SPAG5: variants seen among roughly 807,000 people sequenced by gnomAD.
The protein encoded by SPAG5 is sperm associated antigen 5, also known as sperm-associated antigen 5.
SPAG5 carries 99 observed loss-of-function variants against 145.4 expected under a neutral mutation model. That is an observed-to-expected ratio of 0.68 (90% confidence interval 0.58 to 0.80). The LOEUF (loss-of-function observed/expected upper bound fraction) is 0.80, where lower values mean the gene tolerates loss of function less well. Ranked by LOEUF, SPAG5 falls within the 30% of genes least tolerant of loss-of-function variation. The probability of loss-of-function intolerance (pLI) is 0.00; values close to 1 mark genes in which losing one functional copy is unlikely to be tolerated. For synonymous variants in SPAG5, 477 were observed against 525.4 expected (o/e 0.91, Z 1.26); for missense variants, 1,192 against 1,416.0 (o/e 0.84, Z 2.54).
Position 28,579,185 on chromosome 17 carries a change from C to T in SPAG5, c.3073G>A (p.Ala1025Thr), listed in dbSNP as rs199766020. ...QHQEVQKAKE[A>T]DIEKLNQALC... ...GCCTGGTTCAGCTTCTCTATGTCTG[C>T]TTCTTTTGCCTTCTGGACTTCCTGA... Residue 1025 changes from alanine to threonine, a missense_variant, in exon 19 of 24, where the codon GCA becomes ACA. Ala to Thr is a moderately conservative substitution (Grantham distance 58). Transcript: ENST00000321765. The T allele has an allele frequency of 5.6e-6, 9 of 1,614,058 alleles. No homozygotes were observed. In the African/African-American group the frequency reaches 1.2e-4, roughly 22 times the overall value.
chr17:28,587,336 C>T (rs188807569), intron 4 of SPAG5, among the ~76,000 whole-genome samples: 37 of 151,852 alleles, frequency 2.4e-4, no homozygotes, highest in African/African-American at 8.5e-4. Flanking sequence ...CACCTGAGGT[C>T]GGGAGTTCGA....
chr17:28,596,582 C>T (rs1307680862), intron 2 of SPAG5, among the ~76,000 whole-genome samples: 1 of 150,454 alleles, frequency 6.6e-6, no homozygotes, highest in Non-Finnish European at 1.5e-5. Flanking sequence ...GCAGGAGGAT[C>T]GCTTGAACCC....
At chr17:28,588,849 C>T (rs1181364286) in intron 4 of SPAG5, among the ~76,000 whole-genome samples, 1 of 151,540 alleles carries the variant, frequency 6.6e-6, no homozygotes, top group Non-Finnish European at 1.5e-5. Flanking sequence ...ACCCAGCTAA[C>T]TTTTGTATTT....
At position 28,585,579 on chromosome 17, in the gene SPAG5, G is replaced by A. The variant is rs748636255; in HGVS notation, c.1815C>T (p.Ser605=). The stretch of plus-strand genomic sequence containing the variant: ...TCAGAAGGCCTCTGAATTCCCGCAT[G>A]GATGCTAGGTCCTGTTCCAGCTGGC... The part of the protein sequence containing the change: ...RISQLEQDLA[S]MREFRGLLKD... The change falls in exon 8 of 24, where the codon TCC becomes TCT. Residue 605 remains serine, a synonymous_variant. Coordinates refer to ENST00000321765, the MANE Select transcript of SPAG5 (RefSeq NM_006461.4). The A allele has an allele frequency of 1.9e-6, 3 of 1,614,110 alleles. No individual in the cohort carries two copies. The highest frequency in any genetic ancestry group is 2.5e-6 in the Non-Finnish European group (3 of 1,180,038).
Position 28,578,351 on chromosome 17 carries a change from TC to T in SPAG5, c.3354+21del, listed in dbSNP as rs759724137. On this transcript the variant is annotated intron_variant, in intron 21 of 23. Coordinates refer to ENST00000321765, the MANE Select transcript of SPAG5 (RefSeq NM_006461.4). ...CTGGGGTCCCCACCTGCTGTCCAGC[TC>T]CTCTGTTAACTCTGAGTCACCTCCT... 13 of 1,614,100 alleles carry T rather than the reference TC, an allele frequency of 8.1e-6. No homozygotes were observed. In the South Asian group the frequency reaches 1.3e-4, roughly 16 times the overall value.
intron 4 of SPAG5, among the ~76,000 whole-genome samples, chr17:28,591,195 TAA>T (rs2151522388): frequency 6.6e-6 from 1 of 152,320 alleles, no homozygotes; most frequent in South Asian, 2.1e-4. Context: ...CCAATTCCTT[TAA>T]AAGTTTCCTT....
At chr17:28,593,594 T>G (rs2070639761) in intron 2 of SPAG5, among the ~76,000 whole-genome samples, 1 of 152,118 alleles carries the variant, frequency 6.6e-6, no homozygotes, top group South Asian at 2.1e-4. Flanking sequence ...GGTGCTGATG[T>G]GTGCCTGTAG....
intron 2 of SPAG5, 144 bp downstream of exon 2, chr17:28,598,366 T>A: frequency 2.0e-6 from 2 of 999,428 alleles, no homozygotes; most frequent in Non-Finnish European, 2.8e-6. Flanking sequence ...CACCTCTCTG[T>A]TGGCCTGAAT....
intron 4 of SPAG5, among the ~76,000 whole-genome samples, chr17:28,590,671 C>T (rs1239695973): frequency 2.0e-5 from 3 of 151,846 alleles, no homozygotes; most frequent in African/African-American, 7.3e-5. Context: ...GAGTTCGAGA[C>T]CAGCCTGGCC....
rs780682545 is a variant in SPAG5 at position 28,579,788 on chromosome 17, GA to G, written c.2846del (p.Phe949SerfsTer4). The G allele has an allele frequency of 6.2e-7, 1 of 1,614,200 alleles. No homozygotes were observed. The highest frequency in any genetic ancestry group is 1.1e-5 in the South Asian group (1 of 91,088). ...GGGAAACCATTGATGCTACTCGGGT[GA>G]AAGCACTCTTGTCACTTCCAAGCAA... ...VPLLGSDKSA[F>X]TRVASMVSLQ... On this transcript the variant is annotated frameshift_variant, in exon 17 of 24. Coordinates refer to ENST00000321765, the MANE Select transcript of SPAG5 (RefSeq NM_006461.4). LOFTEE classifies it high-confidence loss of function.
chr17:28,582,503 T>C (rs2070555487), intron 15 of SPAG5, among the ~76,000 whole-genome samples: 1 of 152,184 alleles, frequency 6.6e-6, no homozygotes, highest in African/African-American at 2.4e-5. Flanking sequence ...TCTCGAAGGC[T>C]GAAGTGGTGC....
In SPAG5 at chr17:28,583,870, G is replaced by A. The variant is rs1567623918; in HGVS notation, c.2529C>T (p.Asp843=). The A allele has an allele frequency of 6.2e-7, 1 of 1,614,090 alleles. No individual in the cohort carries two copies. Among genetic ancestry groups the A allele is most frequent in the Non-Finnish European group, 8.5e-7 (1 of 1,179,946 alleles). The change falls in exon 14 of 24, where the codon GAC becomes GAT. Residue 843 remains aspartate (D), a synonymous_variant. Transcript: ENST00000321765. ...GAACTTACGTTAGGTTCTCTACAGT[G>A]TCCTTGAGGTTCTCACACTGCAAGC... ...ERSLQCENLK[D]TVENLTAKLA...
chr17:28,591,002 C>A (rs1045911723), intron 4 of SPAG5, among the ~76,000 whole-genome samples: 6 of 151,916 alleles, frequency 3.9e-5, no homozygotes, highest in Non-Finnish European at 8.8e-5. Flanking sequence ...CCATCACATG[C>A]CTATATCAAA....
rs767687519 is a variant in SPAG5 at position 28,579,780 on chromosome 17, A to G, written c.2855T>C (p.Val952Ala). The G allele has an allele frequency of 6.2e-7, 1 of 1,614,138 alleles. No homozygotes were observed. Residue 952 changes from valine (V) to alanine (A), a missense_variant, in exon 17 of 24, where the codon GTA becomes GCA. Val to Ala is a moderately conservative substitution (Grantham distance 64). Coordinates refer to ENST00000321765, the MANE Select transcript of SPAG5 (RefSeq NM_006461.4). ...LGSDKSAFTR[V>A]ASMVSLQPAE... ...GGGCTGAAGGGAAACCATTGATGCT[A>G]CTCGGGTGAAAGCACTCTTGTCACT...
At chr17:28,579,592 T>C in intron 17 of SPAG5, 107 bp from the exon 18 acceptor site, 1 of 1,439,246 alleles carries the variant, frequency 6.9e-7, no homozygotes, top group Non-Finnish European at 9.6e-7. Context: ...CCCACAGGAT[T>C]TGAATGTCTG....
At position 28,583,669 on chromosome 17, in the gene SPAG5, A is replaced by G; in HGVS notation, c.2547-20T>C. On this transcript the variant is annotated intron_variant, in intron 14 of 23. Transcript: ENST00000321765. ...TTAGCCCTGAAATAAGGAACAGGGA[A>G]GATGACCAAAGACCAAATTACCTTC... The G allele has an allele frequency of 1.9e-6, 3 of 1,582,158 alleles. No homozygotes were observed. The highest frequency in any genetic ancestry group is 1.7e-6 in the Non-Finnish European group (2 of 1,166,998).
chr17:28,595,511 G>T (rs1445471271), intron 2 of SPAG5, among the ~76,000 whole-genome samples: 1 of 152,170 alleles, frequency 6.6e-6, no homozygotes, highest in African/African-American at 2.4e-5. Context: ...ACTTTGGGAG[G>T]CCAAGGAGGG....
At chr17:28,598,741 C>G in intron 1 of SPAG5, 106 bp from the exon 2 acceptor site, 1 of 1,526,116 alleles carries the variant, frequency 6.6e-7, no homozygotes, top group South Asian at 1.2e-5. Context: ...GAAGAGTACG[C>G]TCGCACCCTA....
chr17:28,585,189 A>C lies in SPAG5; in HGVS notation c.1980T>G (p.Ser660Arg). ...LDYTTWTALL[S>R]RSRQLTEKLT... The stretch of plus-strand genomic sequence containing the variant: ...GTTTCTCTGTGAGTTGTCGGGACCG[A>C]CTCAGCAAAGCTGTCCATGTTGTAT... The change falls in exon 10 of 24, where the codon AGT becomes AGG. Residue 660 changes from serine (S) to arginine (R), a missense_variant. Physicochemically the swap from Ser to Arg is moderately radical, Grantham distance 110. Coordinates refer to ENST00000321765, the MANE Select transcript of SPAG5 (RefSeq NM_006461.4). 6.2e-7 allele frequency: 1 copy of C among 1,614,130 alleles called. No homozygotes were observed. Among genetic ancestry groups the C allele is most frequent in the Non-Finnish European group, 8.5e-7 (1 of 1,180,020 alleles).
Sources: gnomAD v4.1 joint callset for allele counts (sites outside exome capture counted in the v4.1 genomes callset) on GRCh38, gnomAD v4.1.1 for gene constraint, MANE v1.5 for transcripts, NCBI Gene and HGNC (gene_info 2026-07-23, HGNC 2026-07-21) for gene names.